Variants in SEC23B observed in about 807,000 individuals in gnomAD.
The protein encoded by SEC23B is protein transport protein Sec23B.
In SEC23B, 77 loss-of-function variants were observed where a neutral mutation model predicts 104.3. The ratio of observed to expected loss-of-function variants is 0.74; its 90% CI spans 0.61 to 0.89. SEC23B has a LOEUF of 0.89. Ranked by LOEUF, SEC23B falls within the 40% of genes least tolerant of loss-of-function variation. The pLI, the probability that SEC23B is intolerant of heterozygous loss-of-function variation, is 0.00. For synonymous variants in SEC23B, 338 were observed against 332.5 expected, an observed-to-expected ratio of 1.02 and a Z score of -0.18; for missense variants, 885 against 949.4, an observed-to-expected ratio of 0.93 and a Z score of 0.89.
chr20:18,524,659 A>G lies in SEC23B; in HGVS notation c.593A>G (p.Lys198Arg), dbSNP rs756929894. 1.2e-6 allele frequency: 2 copies of G among 1,612,860 alleles called. No homozygotes were observed. Among genetic ancestry groups the G allele is most frequent in the Admixed American group, 3.3e-5 (2 of 60,036 alleles). Residue 198 changes from lysine (K) to arginine (R), a missense_variant, in exon 5 of 20, where the codon AAG (lysine) becomes AGG (arginine). Physicochemically the swap from Lys to Arg is conservative, Grantham distance 26. Coordinates refer to ENST00000650089, the MANE Select transcript of SEC23B (RefSeq NM_006363.6). ...VFRGTKDLTA[K>R]QIQDMLGLTK... The stretch of plus-strand genomic sequence containing the variant: ...CGAGGGACCAAGGATTTAACTGCAA[A>G]GCAAATACAGGTTTGTACCTTACTT...
At chr20:18,557,663 T>C (rs1003270619) in intron 19 of SEC23B, among the ~76,000 whole-genome samples, 4 of 152,148 alleles carry the variant, frequency 2.6e-5, no homozygotes, top group Non-Finnish European at 4.4e-5. Context: ...GAAAAACCTA[T>C]TATATTTCTC....
intron 14 of SEC23B, among the ~76,000 whole-genome samples, chr20:18,544,537 A>G (rs2060315206): frequency 6.6e-6 from 1 of 152,174 alleles, no homozygotes; most frequent in Non-Finnish European, 1.5e-5. Context: ...TATGCTGAGG[A>G]CTTTGGAGAA....
At chr20:18,526,016 T>C in intron 7 of SEC23B, 84 bp downstream of exon 7, 1 of 1,460,940 alleles carries the variant, frequency 6.8e-7, no homozygotes, top group Non-Finnish European at 9.6e-7. Context: ...TGAAAATCAC[T>C]TGTGATCTAA....
intron 12 of SEC23B, among the ~76,000 whole-genome samples, chr20:18,539,543 C>A (rs1194978522): frequency 6.8e-6 from 1 of 147,956 alleles, no homozygotes; most frequent in Admixed American, 6.8e-5. Flanking sequence ...TGGGGTCTCT[C>A]TTTGTTGCCC....
intron 17 of SEC23B, among the ~76,000 whole-genome samples, chr20:18,552,475 G>A (rs1416365094): frequency 6.6e-6 from 1 of 151,968 alleles, no homozygotes. Context: ...TCAACTGCAG[G>A]TTAAAAATAA....
chr20:18,517,807 G>A (rs762946393), intron 4 of SEC23B, among the ~76,000 whole-genome samples: 2 of 152,146 alleles, frequency 1.3e-5, no homozygotes, highest in Non-Finnish European at 2.9e-5. Context: ...GCCTGGATGT[G>A]GTTTTCTATG....
intron 4 of SEC23B, among the ~76,000 whole-genome samples, chr20:18,519,569 C>T (rs548045496): frequency 3.0e-4 from 45 of 152,238 alleles, no homozygotes; most frequent in African/African-American, 7.9e-4. Context: ...GTAAGAATTC[C>T]GACTGTACAG....
rs542910256 is a variant in SEC23B, at chr20:18,554,891, A to G, written c.2149-217A>G. Among the ~76,000 whole-genome samples the G allele has an allele frequency of 1.3e-4, 20 of 152,182 alleles. 1 individual carries two copies. In the East Asian group the frequency reaches 1.9e-3, roughly 15 times the overall value. On this transcript the variant is annotated intron_variant, in intron 18 of 19. Transcript: ENST00000650089. ...TAAAGGGATTGCCAAGATAAAATAC[A>G]TATTTTATGTTTTAGGATCCTTAAA... is the stretch of plus-strand genomic sequence containing the variant.
At position 18,523,767 on chromosome 20, in the gene SEC23B, C is replaced by T. The variant is rs149933145; in HGVS notation, c.367-666C>T. ...TTGTCCAGGCTGGTATGTAGTGGTA[C>T]AACCATAGCTTACTGCAGCCTCAAA... is the stretch of plus-strand genomic sequence containing the variant. On this transcript the variant is annotated intron_variant, in intron 4 of 19. Coordinates refer to ENST00000650089, the MANE Select transcript of SEC23B (RefSeq NM_006363.6). Among the ~76,000 whole-genome samples, 366 of 151,338 alleles carry T rather than the reference C, an allele frequency of 2.4e-3. 7 individuals are homozygous for T. Among genetic ancestry groups the T allele is most frequent in the Admixed American group, 0.02 (300 of 15,170 alleles).
At chr20:18,551,968 A>G (rs2122163779) in intron 17 of SEC23B, among the ~76,000 whole-genome samples, 1 of 152,284 alleles carries the variant, frequency 6.6e-6, no homozygotes, top group South Asian at 2.1e-4. Flanking sequence ...GTGGATCCCT[A>G]GGATGGCTGT....
At chr20:18,536,077 TTGAA>T (rs1390151347) in intron 12 of SEC23B, among the ~76,000 whole-genome samples, 1 of 152,040 alleles carries the variant, frequency 6.6e-6, no homozygotes, top group Admixed American at 6.6e-5. Context: ...TACAGAAAAA[TTGAA>T]AGAATTGTAC....
chr20:18,556,979 G>C (rs1257251858), intron 19 of SEC23B, among the ~76,000 whole-genome samples: 1 of 152,220 alleles, frequency 6.6e-6, no homozygotes, highest in African/African-American at 2.4e-5. Flanking sequence ...CTGGGCAACA[G>C]AGCAAGACGC....
rs1400330271 is a variant in SEC23B, at chr20:18,538,042, C to G, written c.1404+2300C>G. ...CACTGCAACCTCCACCTCACAGGTT[C>G]AAGCCATTCTCCCACCCCAGCCTCC... On this transcript the variant is annotated intron_variant, in intron 12 of 19. Coordinates refer to ENST00000650089, the MANE Select transcript of SEC23B (RefSeq NM_006363.6). Among the ~76,000 whole-genome samples, 3 of 152,196 alleles carry G rather than the reference C, an allele frequency of 2.0e-5. No individual in the cohort carries two copies. In the East Asian group the frequency reaches 5.8e-4, roughly 29 times the overall value.
At chr20:18,546,158 G>A in intron 15 of SEC23B, 125 bp downstream of exon 15, 1 of 685,968 alleles carries the variant, frequency 1.5e-6, no homozygotes, top group South Asian at 1.6e-5. Context: ...GACAGAGATT[G>A]TTCAACCCAA....
chr20:18,508,765 G>A (rs1333040816), intron 1 of SEC23B, among the ~76,000 whole-genome samples: 2 of 130,122 alleles, frequency 1.5e-5, no homozygotes, highest in Admixed American at 1.9e-4. Context: ...TGTCGCCCAG[G>A]CTGGAGTGCA....
chr20:18,533,585 G>A (rs1393662869), intron 11 of SEC23B, among the ~76,000 whole-genome samples: 3 of 152,168 alleles, frequency 2.0e-5, no homozygotes, highest in Non-Finnish European at 4.4e-5. Flanking sequence ...AAATGAGTTG[G>A]TTCAGGTGAA....
At chr20:18,544,381 G>A (rs919904470) in intron 14 of SEC23B, among the ~76,000 whole-genome samples, 4 of 152,222 alleles carry the variant, frequency 2.6e-5, no homozygotes, top group Admixed American at 1.3e-4. Flanking sequence ...TAAGCAGAGG[G>A]CCCAGGTGGC....
rs1192692574 is a variant in SEC23B, at chr20:18,535,637, C to T, written c.1315-16C>T. ...TTTTCTGGTTTTGTTTTTCAAATTC[C>T]TCTTCCCACCCCCAGGAGCTTGGTG... On this transcript the variant is annotated splice_polypyrimidine_tract_variant and intron_variant, in intron 11 of 19. Coordinates refer to ENST00000650089, the MANE Select transcript of SEC23B (RefSeq NM_006363.6). 3 of 1,611,908 alleles carry T rather than the reference C, an allele frequency of 1.9e-6. No individual in the cohort carries two copies. The highest frequency in any genetic ancestry group is 2.5e-6 in the Non-Finnish European group (3 of 1,178,082).
chr20:18,533,430 C>T (rs2060203171), intron 11 of SEC23B, among the ~76,000 whole-genome samples: 1 of 152,104 alleles, frequency 6.6e-6, no homozygotes, highest in South Asian at 2.1e-4. Flanking sequence ...GAGGGTAGAC[C>T]ATAGAGCCAG....
Sources: allele counts gnomAD v4.1 joint callset (sites outside exome capture counted in the v4.1 genomes callset), GRCh38; gene constraint gnomAD v4.1.1; transcripts MANE v1.5; gene names NCBI Gene and HGNC (gene_info 2026-07-23, HGNC 2026-07-21).